DLC1: variants seen among roughly 807,000 people sequenced by gnomAD.
DLC1 encodes rho GTPase-activating protein 7.
Under a neutral mutation model 140.3 loss-of-function variants are expected in DLC1, and 54 were observed. The ratio of observed to expected loss-of-function variants is 0.38; its 90% confidence interval spans 0.31 to 0.48. The LOEUF (loss-of-function observed/expected upper bound fraction) is 0.48. Ranked by LOEUF, DLC1 falls within the 20% of genes least tolerant of loss-of-function variation. DLC1 has a pLI of 0.96. For missense variants in DLC1, 2,536 were observed against 1,907.0 expected (o/e 1.33, Z -6.14); for synonymous variants, 986 against 728.1 (o/e 1.35, Z -5.70).
At chr8:13,238,251 A>T (rs1829382119) in intron 5 of DLC1, among the ~76,000 whole-genome samples, 1 of 151,964 alleles carries the variant, frequency 6.6e-6, no homozygotes, top group African/African-American at 2.4e-5. Flanking sequence ...AATAATATAA[A>T]ACTAAAGCCT....
At chr8:13,464,325 A>T (rs1042008783) in intron 2 of DLC1, among the ~76,000 whole-genome samples, 4 of 152,156 alleles carry the variant, frequency 2.6e-5, no homozygotes, top group Admixed American at 2.6e-4. Flanking sequence ...CCTCTTGACC[A>T]TGTGTTAGTT....
At chr8:13,458,145 C>T (rs895923117) in intron 2 of DLC1, among the ~76,000 whole-genome samples, 15 of 152,072 alleles carry the variant, frequency 9.9e-5, no homozygotes, top group African/African-American at 3.4e-4. Flanking sequence ...CTATAGAACA[C>T]AATGTTTAAG....
At chr8:13,556,334 T>C (rs1804044090) in intron 1 of DLC1, among the ~76,000 whole-genome samples, 1 of 152,176 alleles carries the variant, frequency 6.6e-6, no homozygotes, top group Non-Finnish European at 1.5e-5. Flanking sequence ...GTAACTTGGC[T>C]ACATGCTGGA....
chr8:13,331,580 T>A (rs1833590934), intron 4 of DLC1, among the ~76,000 whole-genome samples: 1 of 152,050 alleles, frequency 6.6e-6, no homozygotes, highest in Non-Finnish European at 1.5e-5. Context: ...CTGTGCACCA[T>A]ATAATGCTCT....
At chr8:13,108,023 C>A (rs1443465135) in intron 7 of DLC1, among the ~76,000 whole-genome samples, 2 of 151,856 alleles carry the variant, frequency 1.3e-5, no homozygotes, top group South Asian at 2.1e-4. Context: ...CCAGCCTGAG[C>A]GACAGAGTGA....
intron 2 of DLC1, among the ~76,000 whole-genome samples, chr8:13,433,464 C>T (rs138055652): frequency 1.9e-3 from 285 of 152,306 alleles, no homozygotes; most frequent in African/African-American, 6.1e-3. Flanking sequence ...ATGCCTGTCT[C>T]ATATGTAAAA....
At chr8:13,515,512 C>T (rs1802558459), upstream of DLC1, 1 of 152,206 alleles carries the variant, frequency 6.6e-6, no homozygotes, top group Non-Finnish European at 1.5e-5. Context: ...AGAAGACAGG[C>T]TCCATCTTGA....
chr8:13,105,401 G>C (rs1819478220), intron 7 of DLC1, among the ~76,000 whole-genome samples: 1 of 152,048 alleles, frequency 6.6e-6, no homozygotes, highest in South Asian at 2.1e-4. Context: ...TGCGGGCCAG[G>C]CACTATGCTA....
intron 5 of DLC1, among the ~76,000 whole-genome samples, chr8:13,195,785 T>G (rs1827010936): frequency 1.3e-5 from 2 of 152,158 alleles, no homozygotes; most frequent in Admixed American, 6.6e-5. Context: ...TTGATGGCCA[T>G]GTGGCAGGAA....
At chr8:13,431,531 T>G (rs1838871245) in intron 2 of DLC1, among the ~76,000 whole-genome samples, 1 of 137,896 alleles carries the variant, frequency 7.3e-6, no homozygotes, top group African/African-American at 2.8e-5. Flanking sequence ...GAATCAAGCA[T>G]TGATGTCACA....
chr8:13,292,552 C>A (rs527633907), intron 5 of DLC1, among the ~76,000 whole-genome samples: 8 of 152,202 alleles, frequency 5.3e-5, no homozygotes, highest in African/African-American at 1.9e-4. Flanking sequence ...CCTGGCTGAT[C>A]TTTGTTTTGT....
chr8:13,431,482 CAAAAAAAAA>C (rs56057254), intron 2 of DLC1, among the ~76,000 whole-genome samples: 7 of 40,606 alleles, frequency 1.7e-4, no homozygotes, highest in South Asian at 1.5e-3. Flanking sequence ...GACTCCGTCT[CAAAAAAAAA>C]AAAAAAAAAA....
At position 13,265,033 on chromosome 8, in the gene DLC1, C is replaced by A. The variant is rs1266109150; in HGVS notation, c.1348+40236G>T. ...TTATTAAAAGCACTTGGCTTCTGAC[C>A]TTCAGAGCTCAATTTGTACAAGGGT... On this transcript the variant is annotated intron_variant, in intron 5 of 17. Transcript: ENST00000276297. Among the ~76,000 whole-genome samples, 3 of 152,140 alleles carry A rather than the reference C, an allele frequency of 2.0e-5. No homozygotes were observed. The East Asian group carries it at 5.8e-4, about 29-fold the overall frequency.
At chr8:13,196,422 A>G (rs139328643) in intron 5 of DLC1, among the ~76,000 whole-genome samples, 68 of 152,284 alleles carry the variant, frequency 4.5e-4, no homozygotes, top group African/African-American at 1.2e-3. Context: ...TCTCATTTCA[A>G]CACATACCCG....
intron 1 of DLC1, among the ~76,000 whole-genome samples, chr8:13,553,210 ATATATATATATATATATG>A (rs1423552263): frequency 0.064 from 4,616 of 71,856 alleles, 209 homozygotes; most frequent in African/African-American, 0.11. Context: ...TGTCATATAT[ATATATATATATATATATG>A]TATATATATA....
chr8:13,206,654 A>G (rs1172352416), intron 5 of DLC1, among the ~76,000 whole-genome samples: 1 of 152,166 alleles, frequency 6.6e-6, no homozygotes, highest in Non-Finnish European at 1.5e-5. Flanking sequence ...ATTTTAGCAA[A>G]AAGTTAAAGC....
chr8:13,179,163 G>T (rs1204879776), intron 5 of DLC1, among the ~76,000 whole-genome samples: 2 of 152,034 alleles, frequency 1.3e-5, no homozygotes, highest in African/African-American at 4.8e-5. Context: ...AGGGAATACA[G>T]ATGCAAAATA....
chr8:13,211,891 G>C (rs990554523), intron 5 of DLC1, among the ~76,000 whole-genome samples: 33 of 152,140 alleles, frequency 2.2e-4, no homozygotes, highest in African/African-American at 7.5e-4. Flanking sequence ...TAAAATAACT[G>C]TGTATTGTAT....
intron 2 of DLC1, among the ~76,000 whole-genome samples, chr8:13,490,789 A>T (rs1186025693): frequency 6.6e-6 from 1 of 152,050 alleles, no homozygotes; most frequent in Admixed American, 6.6e-5. Context: ...TCTTGCTCCA[A>T]TAAAAGCTGA....
Sources: allele counts gnomAD v4.1 joint callset (sites outside exome capture counted in the v4.1 genomes callset), GRCh38; gene constraint gnomAD v4.1.1; transcripts MANE v1.5; gene names NCBI Gene and HGNC (gene_info 2026-07-23, HGNC 2026-07-21).